DPH6: variants seen among roughly 807,000 people sequenced by gnomAD.
The protein encoded by DPH6 is diphthamine biosynthesis 6.
Under a neutral mutation model 38.2 loss-of-function variants are expected in DPH6, and 33 were observed. The observed-to-expected ratio is 0.86, with a 90% CI of 0.65 to 1.15. DPH6 has a LOEUF of 1.15. Among genes scored for constraint, DPH6 ranks in the 50% most tolerant of loss-of-function variants. The probability of loss-of-function intolerance (pLI) is 0.00; values close to 1 mark genes in which losing one functional copy is unlikely to be tolerated. For missense variants in DPH6, 325 were observed against 320.0 expected (o/e 1.02, Z -0.12); for synonymous variants, 108 against 103.0 (o/e 1.05, Z -0.30).
chr15:35,288,974 A>C (rs1257574343), intron 3 of DPH6, among the ~76,000 whole-genome samples: 1 of 152,236 alleles, frequency 6.6e-6, no homozygotes, highest in Non-Finnish European at 1.5e-5. Flanking sequence ...AGATAGTTCT[A>C]AAGTCCAGAA....
At chr15:35,307,699 T>G (rs763823504) in intron 3 of DPH6, among the ~76,000 whole-genome samples, 7 of 152,170 alleles carry the variant, frequency 4.6e-5, no homozygotes, top group Admixed American at 1.3e-4. Context: ...TTTCAAAAGG[T>G]TCAGAAAAAA....
At chr15:35,341,158 G>T (rs1026094591) in intron 3 of DPH6, among the ~76,000 whole-genome samples, 8 of 152,048 alleles carry the variant, frequency 5.3e-5, no homozygotes, top group Non-Finnish European at 1.2e-4. Flanking sequence ...CCTCCGCTCA[G>T]TCTATTCTGC....
rs574111550 is a variant in DPH6, at chr15:35,479,373, G to A, written c.313-24553C>T. On this transcript the variant is annotated intron_variant, in intron 3 of 8. Transcript: ENST00000256538. ...TCGACACATTGAAAAGTGTATTGTAGACCCTCTGAAATAACTATTTTTAGT... is the reference window on the plus strand; with the variant it reads ...TCGACACATTGAAAAGTGTATTGTAAACCCTCTGAAATAACTATTTTTAGT... Among the ~76,000 whole-genome samples the A allele has an allele frequency of 3.3e-5, 5 of 152,148 alleles. No individual in the cohort carries two copies. The East Asian group carries it at 9.6e-4, about 29-fold the overall frequency.
In DPH6 at chr15:35,358,518, C is replaced by T. The variant is rs571139508; in HGVS notation, n.207+15003G>A. Among the ~76,000 whole-genome samples, 86 of 152,300 alleles carry T rather than the reference C, an allele frequency of 5.6e-4. 2 individuals carry two copies. The South Asian group carries it at 0.016, about 28-fold the overall frequency. On this transcript the variant is annotated intron_variant and non_coding_transcript_variant, in intron 3 of 3. Transcript: ENST00000558973. ...TGCTTCTCATTTGGGTAGCCTCTGT[C>T]AGAGGGAAGTTCTAGGGCTGAAGGC...
At chr15:35,153,459 T>A in the DPH6 span, among the ~76,000 whole-genome samples, 1 of 152,172 alleles carries the variant, frequency 6.6e-6, no homozygotes, top group African/African-American at 2.4e-5. Flanking sequence ...GGTGGTTAGA[T>A]GGTATTTGTA....
intron 3 of DPH6, among the ~76,000 whole-genome samples, chr15:35,513,242 T>C (rs963596362): frequency 7.2e-5 from 11 of 152,086 alleles, no homozygotes; most frequent in South Asian, 4.1e-4. Flanking sequence ...TATACTTTCG[T>C]GTATTTTTTA....
intron 7 of DPH6, among the ~76,000 whole-genome samples, chr15:35,379,797 A>G (rs774501245): frequency 1.6e-4 from 25 of 152,234 alleles, no homozygotes; most frequent in Non-Finnish European, 3.7e-4. Flanking sequence ...AATAAACAAC[A>G]ACAAATTACA....
At chr15:35,491,172 T>A (rs2054471814) in intron 3 of DPH6, among the ~76,000 whole-genome samples, 2 of 151,654 alleles carry the variant, frequency 1.3e-5, no homozygotes, top group South Asian at 4.2e-4. Context: ...TAAAGAGAAA[T>A]ACACACACAC....
Position 35,408,795 on chromosome 15 carries a change from C to T in DPH6, c.567+2040G>A, listed in dbSNP as rs569709807. Among the ~76,000 whole-genome samples, 55 of 151,946 alleles carry T rather than the reference C, an allele frequency of 3.6e-4. 1 individual carries two copies. The Middle Eastern group carries it at 0.02, about 56-fold the overall frequency. On this transcript the variant is annotated intron_variant, in intron 6 of 8. Transcript: ENST00000256538. ...GAGTGATTTTGGTCAGCACTGTATCCGTTTAGAGGCAGAATGAGAAGACAG... is the reference window on the plus strand; with the variant it reads ...GAGTGATTTTGGTCAGCACTGTATCTGTTTAGAGGCAGAATGAGAAGACAG...
rs200330801 is a variant in DPH6, at chr15:35,363,316, TTATA to T, written n.207+10201_207+10204del. Among the ~76,000 whole-genome samples the T allele has an allele frequency of 3.9e-3, 598 of 152,290 alleles. 3 individuals carry two copies. Among genetic ancestry groups the T allele is most frequent in the African/African-American group, 0.013 (558 of 41,576 alleles). ...TCTGTTACATATTTTAAGATGGTAA[TTATA>T]TATATACAAATTAAGAATTGTTATA... On this transcript the variant is annotated intron_variant and non_coding_transcript_variant, in intron 3 of 3. Coordinates refer to the DPH6 transcript ENST00000558973.
At chr15:35,357,562 G>T (rs185473965) in intron 3 of DPH6, among the ~76,000 whole-genome samples, 220 of 152,316 alleles carry the variant, frequency 1.4e-3, no homozygotes, top group South Asian at 5.2e-3. Context: ...TTTAGTTCTT[G>T]TAGTGGTGGC....
chr15:35,237,502 C>T (rs2140397717), intron 3 of DPH6: 11 of 1,567,546 alleles, frequency 7.0e-6, no homozygotes, highest in South Asian at 1.1e-5. Flanking sequence ...CAACTGCAAA[C>T]TTACCGAAGT....
At chr15:35,174,912 AAT>A in the DPH6 span, among the ~76,000 whole-genome samples, 1 of 151,642 alleles carries the variant, frequency 6.6e-6, no homozygotes, top group African/African-American at 2.4e-5. Context: ...TAATTTAAAA[AAT>A]ATGTGTATCT....
chr15:35,529,510 T>C (rs1036835843), intron 3 of DPH6, among the ~76,000 whole-genome samples: 1 of 152,110 alleles, frequency 6.6e-6, no homozygotes, highest in African/African-American at 2.4e-5. Context: ...AGATATCAAA[T>C]GTAACTTGCC....
chr15:35,176,459 C>T, the DPH6 span, among the ~76,000 whole-genome samples: 3 of 149,826 alleles, frequency 2.0e-5, no homozygotes, highest in African/African-American at 4.9e-5. Context: ...TGCCATCATT[C>T]GACAGTTGTA....
At chr15:35,255,546 A>C (rs572621794) in intron 3 of DPH6, among the ~76,000 whole-genome samples, 1 of 152,126 alleles carries the variant, frequency 6.6e-6, no homozygotes, top group Non-Finnish European at 1.5e-5. Flanking sequence ...CCCTGAGATA[A>C]ATGTTACTTT....
intron 5 of DPH6, among the ~76,000 whole-genome samples, chr15:35,446,910 C>T (rs565281193): frequency 6.6e-6 from 1 of 151,724 alleles, no homozygotes; most frequent in Non-Finnish European, 1.5e-5. Context: ...GCTCTGTCGC[C>T]CAGGCTGGAG....
At chr15:35,213,421 T>A (rs573361893), downstream of DPH6, among the ~76,000 whole-genome samples, 7 of 152,374 alleles carry the variant, frequency 4.6e-5, no homozygotes, top group Admixed American at 3.9e-4. Flanking sequence ...GAACTTTTGT[T>A]ATAACACACG....
intron 3 of DPH6, among the ~76,000 whole-genome samples, chr15:35,257,587 C>T (rs1439837282): frequency 2.0e-5 from 3 of 152,076 alleles, no homozygotes; most frequent in Admixed American, 1.3e-4. Flanking sequence ...AACTCAGATT[C>T]GAGAAATGGG....
Sources: gnomAD v4.1 joint callset for allele counts (sites outside exome capture counted in the v4.1 genomes callset) on GRCh38, gnomAD v4.1.1 for gene constraint, MANE v1.5 for transcripts, NCBI Gene and HGNC (gene_info 2026-07-23, HGNC 2026-07-21) for gene names.